NEURL1: variants seen among roughly 807,000 people sequenced by gnomAD.
NEURL1 encodes the protein neuralized E3 ubiquitin protein ligase 1.
A neutral mutation model predicts 41.2 loss-of-function variants in NEURL1; 26 were observed. The ratio of observed to expected loss-of-function variants is 0.63; its 90% CI spans 0.46 to 0.87. The LOEUF (loss-of-function observed/expected upper bound fraction) is 0.87, where lower values mean the gene tolerates loss of function less well. Ranked by LOEUF, NEURL1 falls within the 40% of genes least tolerant of loss-of-function variation. NEURL1 has a pLI of 0.00. For synonymous variants in NEURL1, 400 were observed against 402.3 expected, an observed-to-expected ratio of 0.99 and a Z score of 0.07; for missense variants, 761 against 871.1, an observed-to-expected ratio of 0.87 and a Z score of 1.59.
chr10:103,567,717 A>G (rs2035455930), intron 1 of NEURL1, among the ~76,000 whole-genome samples: 1 of 152,192 alleles, frequency 6.6e-6, no homozygotes, highest in Non-Finnish European at 1.5e-5. Context: ...CTTAATGGCC[A>G]ATAACAAAGG....
intron 1 of NEURL1, among the ~76,000 whole-genome samples, chr10:103,521,912 C>T (rs890068961): frequency 8.1e-5 from 12 of 148,414 alleles, no homozygotes; most frequent in African/African-American, 1.3e-4. Flanking sequence ...TGGGTGCAGG[C>T]GGGTTGAGTC....
At chr10:103,584,197 G>C (rs1430782448) in intron 3 of NEURL1, among the ~76,000 whole-genome samples, 1 of 152,156 alleles carries the variant, frequency 6.6e-6, no homozygotes, top group Non-Finnish European at 1.5e-5. Context: ...GACGGAAGGA[G>C]CCCAGGAGTT....
chr10:103,512,350 C>G (rs1432025781), intron 1 of NEURL1, among the ~76,000 whole-genome samples: 1 of 152,224 alleles, frequency 6.6e-6, no homozygotes, highest in African/African-American at 2.4e-5. Flanking sequence ...AGCCATGAGG[C>G]AAGGCTGACC....
chr10:103,507,738 A>G (rs1254090947), intron 1 of NEURL1, among the ~76,000 whole-genome samples: 3 of 152,196 alleles, frequency 2.0e-5, no homozygotes, highest in Non-Finnish European at 4.4e-5. Flanking sequence ...GACACCATCA[A>G]TCATTAATGT....
chr10:103,538,862 G>C (rs1174156725), intron 1 of NEURL1, among the ~76,000 whole-genome samples: 1 of 151,178 alleles, frequency 6.6e-6, no homozygotes, highest in Non-Finnish European at 1.5e-5. Context: ...GGTCAGGCTG[G>C]TCTTGAACTC....
At chr10:103,495,455 C>A (rs914161586) in intron 1 of NEURL1, among the ~76,000 whole-genome samples, 1 of 152,200 alleles carries the variant, frequency 6.6e-6, no homozygotes, top group African/African-American at 2.4e-5. Flanking sequence ...TTCTCAAACA[C>A]ATTTTCAGTG....
At chr10:103,519,115 C>T (rs1294758976) in intron 1 of NEURL1, among the ~76,000 whole-genome samples, 2 of 151,870 alleles carry the variant, frequency 1.3e-5, no homozygotes, top group Non-Finnish European at 2.9e-5. Flanking sequence ...GGCATGGTGG[C>T]GGGTGCCTGT....
In NEURL1 at chr10:103,590,401, C is replaced by T; in HGVS notation, c.*29C>T. 5 of 1,570,902 alleles carry T rather than the reference C, an allele frequency of 3.2e-6. No individual in the cohort carries two copies. Among genetic ancestry groups the T allele is most frequent in the Non-Finnish European group, 4.4e-6 (5 of 1,141,844 alleles). On this transcript the variant is annotated 3_prime_UTR_variant, in exon 6 of 6. Coordinates refer to ENST00000369780, the MANE Select transcript of NEURL1 (RefSeq NM_004210.5). ...GTTGCGGTGGCCCATCCCGCATACC[C>T]ATCTTCTCGGGCTTCAGCCCAGTCC...
At chr10:103,498,031 C>T (rs1217960946) in intron 1 of NEURL1, among the ~76,000 whole-genome samples, 4 of 151,928 alleles carry the variant, frequency 2.6e-5, no homozygotes, top group Admixed American at 1.3e-4. Flanking sequence ...CTTGGAGGGG[C>T]TTGAGCGTAT....
intron 1 of NEURL1, among the ~76,000 whole-genome samples, chr10:103,497,829 G>GAA (rs1436100165): frequency 1.3e-5 from 2 of 152,166 alleles, no homozygotes; most frequent in Non-Finnish European, 2.9e-5. Flanking sequence ...GCATGGATGA[G>GAA]GGAGTGAATG....
At position 103,585,256 on chromosome 10, in the gene NEURL1, G is replaced by A. The variant is rs373322350; in HGVS notation, c.1339+31G>A. On this transcript the variant is annotated intron_variant, in intron 4 of 5. Coordinates refer to ENST00000369780, the MANE Select transcript of NEURL1 (RefSeq NM_004210.5). ...TGCCCGCAGCTGCGCCTGGGCGTAT[G>A]CCTTTCCTGGAGGCGGGGACGATCC... 26 of 1,459,182 alleles carry A rather than the reference G, an allele frequency of 1.8e-5. No homozygotes were observed. In the African/African-American group the frequency reaches 3.0e-4, roughly 17 times the overall value. 90.4% of individuals were successfully genotyped at this position (1,459,182 alleles called of 1,614,324 possible). A position where few individuals can be genotyped will look rare whatever the true frequency, so the allele number is the denominator to read the frequency against.
chr10:103,576,554 G>A (rs1335850287), intron 3 of NEURL1, among the ~76,000 whole-genome samples: 2 of 152,162 alleles, frequency 1.3e-5, no homozygotes, highest in African/African-American at 2.4e-5. Context: ...GGAGAAGTAT[G>A]AGACCCAGAG....
intron 1 of NEURL1, among the ~76,000 whole-genome samples, chr10:103,535,703 C>G (rs2034676961): frequency 6.6e-6 from 1 of 152,136 alleles, no homozygotes; most frequent in Non-Finnish European, 1.5e-5. Flanking sequence ...CAGTTAGGCT[C>G]TGGCCCAAGG....
At chr10:103,577,708 A>G (rs777475082) in intron 3 of NEURL1, 2 of 152,266 alleles carry the variant, frequency 1.3e-5, no homozygotes, top group African/African-American at 2.4e-5. Flanking sequence ...TTGGGCACAG[A>G]TAGGCCACCA....
intron 1 of NEURL1, among the ~76,000 whole-genome samples, chr10:103,511,133 G>C (rs1440861117): frequency 6.6e-6 from 1 of 152,204 alleles, no homozygotes; most frequent in Non-Finnish European, 1.5e-5. Context: ...ATGCTTTCCA[G>C]GTCTAGGGCA....
intron 1 of NEURL1, chr10:103,512,189 G>C (rs985266192): frequency 6.6e-6 from 1 of 152,452 alleles, no homozygotes; most frequent in African/African-American, 2.4e-5. Context: ...TCAGAGGAGA[G>C]AGTGGTCAGT....
rs923464957 is a variant in NEURL1, at chr10:103,508,019, A to C, written c.85+13547A>C. Reference sequence around the variant, plus strand: ...ACCCCCACCCTGGGGCTCAGCACTTATTAAATTATAAAACTGTCAAGGGAT... The same window carrying C: ...ACCCCCACCCTGGGGCTCAGCACTTCTTAAATTATAAAACTGTCAAGGGAT... On this transcript the variant is annotated intron_variant, in intron 1 of 5. Coordinates refer to ENST00000369780, the MANE Select transcript of NEURL1 (RefSeq NM_004210.5). This position sits in a 1 kb window ranked among gnomAD's most constrained non-coding sequence, Gnocchi z 4.3. 6.6e-6 allele frequency among the ~76,000 whole-genome samples: 1 copy of C among 152,178 alleles called. No homozygotes were observed. Among genetic ancestry groups the C allele is most frequent in the Non-Finnish European group, 1.5e-5 (1 of 68,028 alleles).
intron 1 of NEURL1, among the ~76,000 whole-genome samples, chr10:103,528,148 G>C (rs966955087): frequency 1.3e-5 from 2 of 152,186 alleles, no homozygotes; most frequent in African/African-American, 4.8e-5. Flanking sequence ...CTGAGGTCAG[G>C]AATTTGAGAC....
chr10:103,502,148 G>T (rs368727677), intron 1 of NEURL1, among the ~76,000 whole-genome samples: 1 of 152,218 alleles, frequency 6.6e-6, no homozygotes, highest in African/African-American at 2.4e-5. Flanking sequence ...AGCTAGGAAA[G>T]AGCAGGGCTG....
Sources: gnomAD v4.1 joint callset for allele counts (sites outside exome capture counted in the v4.1 genomes callset) on GRCh38, gnomAD v4.1.1 for gene constraint, Gnocchi (gnomAD v3.1) non-coding constraint, MANE v1.5 for transcripts, NCBI Gene and HGNC (gene_info 2026-07-23, HGNC 2026-07-21) for gene names.